Variants in GABBR2 observed in about 807,000 individuals in gnomAD.
GABBR2 encodes the protein G-protein coupled receptor 51.
In GABBR2, 23 loss-of-function variants were observed where a neutral mutation model predicts 105.6. That is an observed-to-expected ratio of 0.22 (90% CI 0.16 to 0.31). The LOEUF (loss-of-function observed/expected upper bound fraction) is 0.31. Ranked by LOEUF, GABBR2 falls within the 10% of genes least tolerant of loss-of-function variation. The pLI is 1.00. For synonymous variants in GABBR2, 478 were observed against 499.7 expected (o/e 0.96, Z 0.58); for missense variants, 734 against 1,245.5 (o/e 0.59, Z 6.18).
intron 1 of GABBR2, among the ~76,000 whole-genome samples, chr9:98,584,864 G>A (rs191220333): frequency 8.5e-5 from 13 of 152,262 alleles, no homozygotes; most frequent in Admixed American, 5.2e-4. Context: ...ATCTGCTCAC[G>A]TCTGTCCGTC....
intron 1 of GABBR2, among the ~76,000 whole-genome samples, chr9:98,687,858 A>G (rs1454390965): frequency 6.6e-6 from 1 of 152,194 alleles, no homozygotes; most frequent in African/African-American, 2.4e-5. Flanking sequence ...TGTAGGAAGG[A>G]GGGTGAAGGG....
chr9:98,377,310 G>T (rs1033150276), intron 11 of GABBR2, among the ~76,000 whole-genome samples: 18 of 152,290 alleles, frequency 1.2e-4, no homozygotes, highest in African/African-American at 4.3e-4. Context: ...GTGGGCGTCA[G>T]GGCCAGAGAG....
intron 1 of GABBR2, among the ~76,000 whole-genome samples, chr9:98,634,727 GGAAATGATA>G (rs1829855520): frequency 1.1e-4 from 16 of 152,126 alleles, no homozygotes; most frequent in Admixed American, 1.0e-3. Context: ...GGCAGCCCTG[GGAAATGATA>G]GACTATACTA....
intron 1 of GABBR2, among the ~76,000 whole-genome samples, chr9:98,598,988 T>C (rs1477409980): frequency 6.6e-6 from 1 of 152,214 alleles, no homozygotes; most frequent in Non-Finnish European, 1.5e-5. Flanking sequence ...GAAGTAGACC[T>C]ACCTGAAGGC....
At chr9:98,380,359 CCCT>C (rs1274747505) in intron 11 of GABBR2, among the ~76,000 whole-genome samples, 2 of 152,216 alleles carry the variant, frequency 1.3e-5, no homozygotes, top group African/African-American at 4.8e-5. Context: ...TCTGCAAAGC[CCCT>C]TCTTACTCCT....
chr9:98,306,301 G>A lies in GABBR2; in HGVS notation c.2049C>T (p.Ile683=), dbSNP rs2131355188. The A allele has an allele frequency of 1.2e-6, 2 of 1,614,102 alleles. No homozygotes were observed. Among genetic ancestry groups the A allele is most frequent in the Non-Finnish European group, 1.7e-6 (2 of 1,179,932 alleles). Residue 683 remains isoleucine (I), a synonymous_variant, in exon 15 of 19, where the codon ATC becomes ATT. Transcript: ENST00000259455. The surrounding 1 kb of genome is among the most constrained non-coding windows in gnomAD (Gnocchi z 5.4). ...TGTACTTGCTGTCGTTGAGTGCGGGGATGCTGACGTTGCGGGTCTCCCAAG... is the reference window on the plus strand; with the variant it reads ...TGTACTTGCTGTCGTTGAGTGCGGGAATGCTGACGTTGCGGGTCTCCCAAG... ...FLAWETRNVS[I]PALNDSKYIG...
At chr9:98,670,311 T>A (rs770405856) in intron 1 of GABBR2, among the ~76,000 whole-genome samples, 32 of 151,118 alleles carry the variant, frequency 2.1e-4, no homozygotes, top group Non-Finnish European at 3.5e-4. Flanking sequence ...TCCATTATAA[T>A]GGCCACTACC....
At chr9:98,682,322 A>G (rs186719876) in intron 1 of GABBR2, among the ~76,000 whole-genome samples, 1 of 150,616 alleles carries the variant, frequency 6.6e-6, no homozygotes, top group East Asian at 1.9e-4. Flanking sequence ...AAAAAACAGG[A>G]AAAAATATTT....
chr9:98,365,967 C>T (rs573812301), intron 12 of GABBR2, among the ~76,000 whole-genome samples: 16 of 152,312 alleles, frequency 1.1e-4, no homozygotes, highest in African/African-American at 3.6e-4. Context: ...CTCACTGATG[C>T]TATCACATGC....
At chr9:98,562,165 C>T (rs995917557) in intron 2 of GABBR2, among the ~76,000 whole-genome samples, 1 of 152,110 alleles carries the variant, frequency 6.6e-6, no homozygotes, top group Non-Finnish European at 1.5e-5. Flanking sequence ...ACTCGATGCA[C>T]TGGGAAGAAC....
At position 98,388,767 on chromosome 9, in the gene GABBR2, G is replaced by T; in HGVS notation, c.1529+87C>A. 9.4e-7 allele frequency: 1 copy of T among 1,069,176 alleles called. No homozygotes were observed. The highest frequency in any genetic ancestry group is 1.4e-6 in the Non-Finnish European group (1 of 738,208). 66.2% of individuals were successfully genotyped at this position (1,069,176 alleles called of 1,614,324 possible). ...CCCTGCAGACTTCTGTGTCCCTGGG[G>T]AATCTGTCATGTGGCACTCCTATAC... On this transcript the variant is annotated intron_variant, in intron 10 of 18. Coordinates refer to ENST00000259455, the MANE Select transcript of GABBR2 (RefSeq NM_005458.8). The surrounding 1 kb of genome is among the most constrained non-coding windows in gnomAD (Gnocchi z 4.4).
At chr9:98,651,151 T>G (rs10115754) in intron 1 of GABBR2, among the ~76,000 whole-genome samples, 13,510 of 150,338 alleles carry the variant, frequency 0.09, 987 homozygotes, top group African/African-American at 0.19. Flanking sequence ...TTTTTTTTTT[T>G]TTTTTTTTTT....
At chr9:98,511,422 A>C (rs1789731225) in intron 3 of GABBR2, among the ~76,000 whole-genome samples, 1 of 147,036 alleles carries the variant, frequency 6.8e-6, no homozygotes, top group Non-Finnish European at 1.5e-5. Context: ...GAACTGAAGG[A>C]GATAGAGACA....
intron 9 of GABBR2, among the ~76,000 whole-genome samples, chr9:98,389,602 C>T (rs1832142422): frequency 6.6e-6 from 1 of 152,218 alleles, no homozygotes; most frequent in Non-Finnish European, 1.5e-5. Context: ...ACCTTCCTCT[C>T]CCTGCTGTGC....
At chr9:98,318,154 C>A (rs567599904) in intron 13 of GABBR2, among the ~76,000 whole-genome samples, 6 of 152,136 alleles carry the variant, frequency 3.9e-5, no homozygotes, top group Non-Finnish European at 5.9e-5. Flanking sequence ...GCTTCTCACT[C>A]GATAATGTGA....
At chr9:98,627,682 G>A (rs540855430) in intron 1 of GABBR2, among the ~76,000 whole-genome samples, 127 of 152,336 alleles carry the variant, frequency 8.3e-4, no homozygotes, top group Admixed American at 8.2e-3. Flanking sequence ...GTTCTGAAGC[G>A]GGTCCGTGTG....
chr9:98,582,195 C>T (rs370956049), intron 1 of GABBR2, among the ~76,000 whole-genome samples: 1 of 152,206 alleles, frequency 6.6e-6, no homozygotes, highest in African/African-American at 2.4e-5. Context: ...ACAGGTAAGC[C>T]CAGTGTAGTC....
At chr9:98,445,733 G>A (rs1425561875) in intron 7 of GABBR2, among the ~76,000 whole-genome samples, 1 of 152,200 alleles carries the variant, frequency 6.6e-6, no homozygotes, top group Admixed American at 6.5e-5. Context: ...CAGGCAGGAG[G>A]CACCAATTGC....
rs148970154 is a variant in GABBR2 at position 98,565,923 on chromosome 9, G to A, written c.459+12012C>T. Among the ~76,000 whole-genome samples, 677 of 152,292 alleles carry A rather than the reference G, an allele frequency of 4.4e-3. 2 individuals are homozygous for A. The highest frequency in any genetic ancestry group is 0.011 in the Admixed American group (170 of 15,304). On this transcript the variant is annotated intron_variant, in intron 2 of 18. Transcript: ENST00000259455. The stretch of plus-strand genomic sequence containing the variant: ...CACCTTACCAAACACAACACTGGAC[G>A]GGGCAGTCAGTGCCATGCCACCACA...
Sources: gnomAD v4.1 joint callset for allele counts (sites outside exome capture counted in the v4.1 genomes callset) on GRCh38, gnomAD v4.1.1 for gene constraint, Gnocchi (gnomAD v3.1) non-coding constraint, MANE v1.5 for transcripts, NCBI Gene and HGNC (gene_info 2026-07-23, HGNC 2026-07-21) for gene names.